The following BABAM2 variants were observed in gnomAD, a reference collection of about 807,000 sequenced individuals.
The protein encoded by BABAM2 is BRISC and BRCA1 A complex member 2.
A neutral mutation model predicts 54.7 loss-of-function variants in BABAM2; 31 were observed. The ratio of observed to expected loss-of-function variants is 0.57; its 90% CI spans 0.43 to 0.77. BABAM2 has a LOEUF of 0.77. BABAM2 is among the 30% of genes least tolerant of loss of function. BABAM2 has a pLI of 0.00. For missense variants in BABAM2, 364 were observed against 455.8 expected (o/e 0.80, Z 1.83); for synonymous variants, 167 against 162.9 (o/e 1.03, Z -0.19).
chr2:28,317,378 A>G (rs1689647768), intron 11 of BABAM2, among the ~76,000 whole-genome samples: 2 of 152,180 alleles, frequency 1.3e-5, no homozygotes, highest in African/African-American at 4.8e-5. Flanking sequence ...CTTAAGAGTG[A>G]CTTTGACCTA....
At chr2:28,253,923 A>C (rs938624209) in intron 10 of BABAM2, among the ~76,000 whole-genome samples, 1 of 152,196 alleles carries the variant, frequency 6.6e-6, no homozygotes, top group Non-Finnish European at 1.5e-5. Context: ...TACTGGCTCA[A>C]GGTAGGGATT....
intron 10 of BABAM2, among the ~76,000 whole-genome samples, chr2:28,269,849 C>CT (rs1685270869): frequency 4.2e-5 from 6 of 143,180 alleles, no homozygotes; most frequent in Admixed American, 1.5e-4. Context: ...TTTTTCTTGT[C>CT]ATTTTTTTTT....
At chr2:28,292,293 A>G (rs1687345871) in intron 10 of BABAM2, among the ~76,000 whole-genome samples, 1 of 152,356 alleles carries the variant, frequency 6.6e-6, no homozygotes, top group South Asian at 2.1e-4. Context: ...ATTTTCAAGG[A>G]TCGAACTGTC....
chr2:28,129,107 A>G (rs1669815592), intron 6 of BABAM2, among the ~76,000 whole-genome samples, 164 bp from the exon 7 acceptor site: 1 of 152,102 alleles, frequency 6.6e-6, no homozygotes, highest in Non-Finnish European at 1.5e-5. Context: ...CCATCCCTCT[A>G]GAGGAGTGGG....
chr2:28,263,840 G>A (rs555609566), intron 10 of BABAM2, among the ~76,000 whole-genome samples: 2 of 152,220 alleles, frequency 1.3e-5, no homozygotes, highest in South Asian at 4.1e-4. Flanking sequence ...CTTTCTCTTT[G>A]TACTATGAGT....
intron 7 of BABAM2, among the ~76,000 whole-genome samples, chr2:28,144,894 T>G (rs6751559): frequency 0.095 from 14,493 of 152,180 alleles, 748 homozygotes; most frequent in East Asian, 0.15. Flanking sequence ...GCTTCCAAAG[T>G]CCTTGGTCTT....
chr2:28,096,737 C>G (rs1233584133), intron 6 of BABAM2, among the ~76,000 whole-genome samples: 3 of 151,696 alleles, frequency 2.0e-5, no homozygotes, highest in African/African-American at 2.4e-5. Context: ...CCACTCCCTT[C>G]CTTCTTCCCT....
At chr2:28,319,714 G>A (rs888775890) in intron 11 of BABAM2, among the ~76,000 whole-genome samples, 10 of 152,252 alleles carry the variant, frequency 6.6e-5, no homozygotes, top group African/African-American at 1.4e-4. Context: ...GGCCGCAGAC[G>A]CTGTAGGCCC....
chr2:28,009,486 G>T (rs140028771), intron 4 of BABAM2, among the ~76,000 whole-genome samples: 152 of 152,264 alleles, frequency 1.0e-3, no homozygotes, highest in African/African-American at 3.3e-3. Flanking sequence ...GTTGATGGCA[G>T]TCGAAATTGG....
chr2:28,239,514 A>G (rs1325219190), intron 8 of BABAM2, among the ~76,000 whole-genome samples: 1 of 152,246 alleles, frequency 6.6e-6, no homozygotes, highest in African/African-American at 2.4e-5. Flanking sequence ...TTTTTTATAG[A>G]AACTGTCATT....
Position 28,030,106 on chromosome 2 carries a change from A to G in BABAM2, c.495+4686A>G, listed in dbSNP as rs944647105. 5.9e-5 allele frequency among the ~76,000 whole-genome samples: 9 copies of G among 151,982 alleles called. No individual in the cohort carries two copies. In the East Asian group the frequency reaches 1.7e-3, roughly 29 times the overall value. ...TCTCATTCCCCCTTTTTTAATAATA[A>G]TAGTGAATTTGAATATAATCCAGTT... On this transcript the variant is annotated intron_variant, in intron 5 of 11. Coordinates refer to ENST00000379624, the MANE Select transcript of BABAM2 (RefSeq NM_199191.3).
chr2:28,096,764 C>A (rs1666666836), intron 6 of BABAM2, among the ~76,000 whole-genome samples: 1 of 151,526 alleles, frequency 6.6e-6, no homozygotes, highest in Admixed American at 6.6e-5. Context: ...CTCACTCCTT[C>A]ATTTTCTCTT....
intron 4 of BABAM2, among the ~76,000 whole-genome samples, chr2:27,990,520 A>G (rs999248758): frequency 6.6e-6 from 1 of 152,178 alleles, no homozygotes; most frequent in Admixed American, 6.5e-5. Context: ...AGTGGAAAAC[A>G]GAATGCCTAG....
intron 7 of BABAM2, among the ~76,000 whole-genome samples, chr2:28,179,801 C>T (rs188083704): frequency 2.1e-3 from 316 of 152,208 alleles, no homozygotes; most frequent in Non-Finnish European, 3.6e-3. Context: ...AATCAACATA[C>T]AAAATAAATA....
intron 2 of BABAM2, among the ~76,000 whole-genome samples, chr2:27,915,314 A>C (rs1402487297): frequency 6.6e-6 from 1 of 152,160 alleles, no homozygotes; most frequent in African/African-American, 2.4e-5. Context: ...TGTACTTTTG[A>C]ATACTCGTGA....
chr2:28,280,728 G>T (rs1686283013), intron 10 of BABAM2, among the ~76,000 whole-genome samples: 1 of 152,176 alleles, frequency 6.6e-6, no homozygotes, highest in African/African-American at 2.4e-5. Flanking sequence ...CTGAGCTAAG[G>T]TCAAGCGGTG....
intron 6 of BABAM2, 51 bp downstream of exon 6, chr2:28,045,850 ATTAT>A: frequency 7.3e-7 from 1 of 1,367,814 alleles, no homozygotes; most frequent in Non-Finnish European, 1.0e-6. Flanking sequence ...TTTTTAAGTA[ATTAT>A]TTAACTCAAT....
At chr2:28,030,142 G>A (rs1034683021) in intron 5 of BABAM2, among the ~76,000 whole-genome samples, 6 of 152,128 alleles carry the variant, frequency 3.9e-5, no homozygotes, top group Admixed American at 1.3e-4. Flanking sequence ...TTATGGCACC[G>A]TTTGTTACCT....
chr2:28,116,356 C>T (rs1326690160), intron 6 of BABAM2, among the ~76,000 whole-genome samples: 1 of 152,140 alleles, frequency 6.6e-6, no homozygotes, highest in African/African-American at 2.4e-5. Flanking sequence ...ATCAAAAGAC[C>T]TCTGATCACG....
Sources: gnomAD v4.1 joint callset for allele counts (sites outside exome capture counted in the v4.1 genomes callset) on GRCh38, gnomAD v4.1.1 for gene constraint, MANE v1.5 for transcripts, NCBI Gene and HGNC (gene_info 2026-07-23, HGNC 2026-07-21) for gene names.